Variants in TVP23A observed in about 807,000 individuals in gnomAD.
TVP23A encodes the protein trans-golgi network vesicle protein 23 homolog A.
Under a neutral mutation model 31.7 loss-of-function variants are expected in TVP23A, and 21 were observed. The observed-to-expected ratio is 0.66, with a 90% CI of 0.47 to 0.95. The LOEUF is 0.95. Among genes scored for constraint, TVP23A ranks in the 40% least tolerant of loss-of-function variants. The pLI, the probability that TVP23A is intolerant of heterozygous loss-of-function variation, is 0.00. For synonymous variants in TVP23A, 104 were observed against 96.0 expected, an observed-to-expected ratio of 1.08 and a Z score of -0.49; for missense variants, 279 against 255.6, an observed-to-expected ratio of 1.09 and a Z score of -0.62.
chr16:10,792,230 G>A (rs2033146051), intron 2 of TVP23A, among the ~76,000 whole-genome samples: 1 of 152,104 alleles, frequency 6.6e-6, no homozygotes, highest in Non-Finnish European at 1.5e-5. Context: ...TTCCTTATGT[G>A]TGTCCATGTC....
rs2032079962 is a variant in TVP23A, at chr16:10,777,078, GTT to G, written c.90-1984_90-1983del. On this transcript the variant is annotated intron_variant, in intron 2 of 7. Transcript: ENST00000299866. The surrounding 1 kb of genome is among the most constrained non-coding windows in gnomAD (Gnocchi z 4.5). ...ATGCAGCCCAGTAGGTCTCAGCCTC[GTT>G]TTACCCAGCCCCTATTCAAGATGGA... Among the ~76,000 whole-genome samples the G allele has an allele frequency of 6.6e-6, 1 of 152,050 alleles. No individual in the cohort carries two copies. Among genetic ancestry groups the G allele is most frequent in the Non-Finnish European group, 1.5e-5 (1 of 68,020 alleles).
At chr16:10,800,856 T>A (rs1469379215) in intron 2 of TVP23A, among the ~76,000 whole-genome samples, 1 of 152,100 alleles carries the variant, frequency 6.6e-6, no homozygotes, top group Non-Finnish European at 1.5e-5. Flanking sequence ...CCAGGCATGG[T>A]GGTGCACACC....
intron 2 of TVP23A, among the ~76,000 whole-genome samples, chr16:10,787,248 A>T (rs550583578): frequency 6.6e-6 from 1 of 152,302 alleles, no homozygotes; most frequent in East Asian, 1.9e-4. Flanking sequence ...GATAGTGAGG[A>T]TATGAGAGTC....
rs113328002 is a variant in TVP23A at position 10,808,091 on chromosome 16, A to C, written c.89+10012T>G. 8.1e-3 allele frequency among the ~76,000 whole-genome samples: 1,227 copies of C among 152,262 alleles called. 13 individuals are homozygous for C. The highest frequency in any genetic ancestry group is 0.027 in the African/African-American group (1,125 of 41,552). Reference sequence around the variant, plus strand: ...TCTCTCTGTTAGCTTCAGTCTTTTTAATCTTGACTCTGAGAAAATGATAGT... The same window carrying C: ...TCTCTCTGTTAGCTTCAGTCTTTTTCATCTTGACTCTGAGAAAATGATAGT... On this transcript the variant is annotated intron_variant, in intron 2 of 7. Coordinates refer to ENST00000299866, the MANE Select transcript of TVP23A (RefSeq NM_001079512.4).
chr16:10,799,895 G>C (rs750748216), intron 2 of TVP23A, among the ~76,000 whole-genome samples: 33 of 152,028 alleles, frequency 2.2e-4, no homozygotes, highest in Non-Finnish European at 3.5e-4. Context: ...CTTTCCAGAA[G>C]TCTGGAGCAG....
intron 2 of TVP23A, among the ~76,000 whole-genome samples, chr16:10,790,279 ATTTTT>A (rs376916439): frequency 8.7e-6 from 1 of 114,532 alleles, no homozygotes; most frequent in Admixed American, 1.0e-4. Flanking sequence ...TTGGGGTAAA[ATTTTT>A]TTTTTTTTTT....
chr16:10,807,834 T>C (rs1596570736), intron 2 of TVP23A, among the ~76,000 whole-genome samples: 1 of 152,268 alleles, frequency 6.6e-6, no homozygotes, highest in East Asian at 1.9e-4. Flanking sequence ...CACAATGTAA[T>C]GTAAGATATG....
chr16:10,773,565 GTTGTT>G (rs557690650), intron 4 of TVP23A, 124 bp from the exon 5 acceptor site: 68 of 1,258,022 alleles, frequency 5.4e-5, no homozygotes, highest in African/African-American at 2.0e-4. Flanking sequence ...TGTTGTTGGT[GTTGTT>G]TTGTTTTGTT....
At chr16:10,772,275 G>A (rs992778530) in intron 5 of TVP23A, among the ~76,000 whole-genome samples, 1 of 152,226 alleles carries the variant, frequency 6.6e-6, no homozygotes, top group Non-Finnish European at 1.5e-5. Context: ...AGGTCACAGA[G>A]CTGGAGCGTG....
At chr16:10,773,262 C>CT in intron 5 of TVP23A, 51 bp downstream of exon 5, 5 of 1,544,508 alleles carry the variant, frequency 3.2e-6, no homozygotes, top group Admixed American at 2.3e-5. Flanking sequence ...GGTGCAAACA[C>CT]TTTTTTTGCA....
intron 6 of TVP23A, 38 bp downstream of exon 6, chr16:10,771,632 G>C (rs771046015): frequency 6.2e-7 from 1 of 1,611,748 alleles, no homozygotes; most frequent in East Asian, 2.2e-5. Context: ...TGACTACCTG[G>C]AGAGGAGTGG....
chr16:10,762,100 T>G (rs1251322181), downstream of TVP23A: 5 of 429,056 alleles, frequency 1.2e-5, no homozygotes, highest in Admixed American at 1.5e-4. Context: ...CCTGGAAGAA[T>G]GGGGTAGAGG....
intron 2 of TVP23A, among the ~76,000 whole-genome samples, chr16:10,815,346 AG>A (rs2034391133): frequency 6.6e-6 from 1 of 152,232 alleles, no homozygotes; most frequent in Non-Finnish European, 1.5e-5. Context: ...CAAGAGGCAG[AG>A]GTTGTAGTGA....
At chr16:10,764,107 G>T (rs751171157), downstream of TVP23A, among the ~76,000 whole-genome samples, 40 of 152,008 alleles carry the variant, frequency 2.6e-4, no homozygotes, top group Non-Finnish European at 5.3e-4. Context: ...TCAGCCCACA[G>T]GAGTATCTCA....
intron 2 of TVP23A, chr16:10,808,703 G>A (rs1475894567): frequency 2.8e-6 from 1 of 360,656 alleles, no homozygotes; most frequent in East Asian, 7.9e-5. Context: ...CTTGAGCTCA[G>A]GGGGTTGAGG....
chr16:10,773,485 G>A lies in TVP23A; in HGVS notation c.325-44C>T, dbSNP rs531925854. 17 of 1,549,324 alleles carry A rather than the reference G, an allele frequency of 1.1e-5. 1 individual carries two copies. Among genetic ancestry groups the A allele is most frequent in the Non-Finnish European group, 8.7e-6 (10 of 1,150,542 alleles). ...TCAAATGTCAAAACAAGTGGAAATG[G>A]TTGCAAACGAGCGTGCTCACATTTT... On this transcript the variant is annotated intron_variant, in intron 4 of 7. Coordinates refer to ENST00000299866, the MANE Select transcript of TVP23A (RefSeq NM_001079512.4).
chr16:10,757,963 T>G (rs1232645152), downstream of TVP23A: 1 of 1,613,886 alleles, frequency 6.2e-7, no homozygotes, highest in South Asian at 1.1e-5. This position sits in a 1 kb window ranked among gnomAD's most constrained non-coding sequence, Gnocchi z 4.1. Context: ...GATGAACACC[T>G]CTCGGTCGTC....
At chr16:10,800,690 T>C (rs1002363283) in intron 2 of TVP23A, among the ~76,000 whole-genome samples, 1 of 152,180 alleles carries the variant, frequency 6.6e-6, no homozygotes, top group African/African-American at 2.4e-5. Flanking sequence ...TAAAAAGCAT[T>C]TTTGGCCAGG....
At chr16:10,814,919 G>C (rs1040967341) in intron 2 of TVP23A, among the ~76,000 whole-genome samples, 4 of 152,142 alleles carry the variant, frequency 2.6e-5, no homozygotes, top group Non-Finnish European at 5.9e-5. Context: ...CCCAGCACCT[G>C]GGTCTTGAGC....
Sources: gnomAD v4.1 joint callset for allele counts (sites outside exome capture counted in the v4.1 genomes callset) on GRCh38, gnomAD v4.1.1 for gene constraint, Gnocchi (gnomAD v3.1) non-coding constraint, MANE v1.5 for transcripts, NCBI Gene and HGNC (gene_info 2026-07-23, HGNC 2026-07-21) for gene names.